The following KCNK3 variants were observed in gnomAD, a reference collection of about 807,000 sequenced individuals.
KCNK3 encodes potassium two pore domain channel subfamily K member 3.
Under a neutral mutation model 27.3 loss-of-function variants are expected in KCNK3, and 9 were observed. The ratio of observed to expected loss-of-function variants is 0.33; its 90% CI spans 0.20 to 0.57. The LOEUF (loss-of-function observed/expected upper bound fraction) is 0.57. KCNK3 is among the 20% of genes least tolerant of loss of function. KCNK3 has a pLI of 0.87. For synonymous variants in KCNK3, 278 were observed against 273.8 expected (o/e 1.02, Z -0.15); for missense variants, 391 against 577.7 (o/e 0.68, Z 3.31).
intron 1 of KCNK3, among the ~76,000 whole-genome samples, chr2:26,710,976 T>C (rs1201430072): frequency 1.3e-5 from 2 of 152,218 alleles, no homozygotes; most frequent in African/African-American, 4.8e-5. Flanking sequence ...CCCAGGTGCC[T>C]GTGCCAATTT....
At chr2:26,718,044 C>T (rs62129551) in intron 1 of KCNK3, among the ~76,000 whole-genome samples, 6,706 of 152,046 alleles carry the variant, frequency 0.044, 211 homozygotes, top group Non-Finnish European at 0.066. Flanking sequence ...CTCCTCCCCT[C>T]GCCCCTTCCT....
rs1663527840 is a variant in KCNK3 at position 26,730,936 on chromosome 2, G to A, written c.*2368G>A. 6.6e-6 allele frequency: 1 copy of A among 152,522 alleles called. No individual in the cohort carries two copies. The highest frequency in any genetic ancestry group is 1.5e-5 in the Non-Finnish European group (1 of 68,302). 9.4% of individuals were successfully genotyped at this position (152,522 alleles called of 1,614,324 possible). A position where few individuals can be genotyped will look rare whatever the true frequency, so the allele number is the denominator to read the frequency against. On this transcript the variant is annotated 3_prime_UTR_variant, in exon 2 of 2. Transcript: ENST00000302909. ...TTCAGTCTCTGCTGGGTCTTTCCTA[G>A]GGACCTGGAAGGCCAGTGTTGCTTC...
chr2:26,707,424 A>G (rs1167890438), intron 1 of KCNK3, among the ~76,000 whole-genome samples: 1 of 152,214 alleles, frequency 6.6e-6, no homozygotes, highest in Non-Finnish European at 1.5e-5. Flanking sequence ...CAGTCCTGCC[A>G]TCCAGGCCCT....
chr2:26,697,285 G>A (rs1196367517), intron 1 of KCNK3, among the ~76,000 whole-genome samples: 1 of 152,082 alleles, frequency 6.6e-6, no homozygotes, highest in African/African-American at 2.4e-5. Context: ...TAGACAGATC[G>A]CTTGAGGCCA....
intron 1 of KCNK3, among the ~76,000 whole-genome samples, chr2:26,696,854 A>G (rs532270608): frequency 3.3e-5 from 5 of 152,192 alleles, no homozygotes; most frequent in Admixed American, 3.3e-4. Context: ...GAGGGTAGCA[A>G]AAACCTAACC....
intron 1 of KCNK3, among the ~76,000 whole-genome samples, chr2:26,701,492 C>A (rs534341094): frequency 6.6e-6 from 1 of 152,290 alleles, no homozygotes; most frequent in South Asian, 2.1e-4. Flanking sequence ...CCCTGTCTGC[C>A]AGGAAGGCAC....
chr2:26,721,288 A>G lies in KCNK3; in HGVS notation c.284-6379A>G, dbSNP rs557421120. Among the ~76,000 whole-genome samples, 1 of 152,024 alleles carries G rather than the reference A, an allele frequency of 6.6e-6. No homozygotes were observed. The highest frequency in any genetic ancestry group is 1.5e-5 in the Non-Finnish European group (1 of 67,984). ...GAGGAGAGGCCTCTTCAGTGCCCAG[A>G]GAAGGTTCCCAGAAGGTTCTCGGGA... On this transcript the variant is annotated intron_variant, in intron 1 of 1. Transcript: ENST00000302909. The surrounding 1 kb of genome is among the most constrained non-coding windows in gnomAD (Gnocchi z 4.3).
Position 26,693,310 on chromosome 2 carries a change from G to C in KCNK3, c.283+152G>C, listed in dbSNP as rs557313160. ...CGCAGAAACCCGAGTTCAGCCTGGC[G>C]TGTGTGCTCCGCGGGGACGGAACTC... On this transcript the variant is annotated intron_variant, in intron 1 of 1. Transcript: ENST00000302909. The surrounding 1 kb of genome is among the most constrained non-coding windows in gnomAD (Gnocchi z 5.5). The C allele has an allele frequency of 7.8e-5, 61 of 779,580 alleles. No homozygotes were observed. In the East Asian group the frequency reaches 1.8e-3, roughly 23 times the overall value. The allele number at this position is 779,580 out of a possible 1,614,324, so 48.3% of individuals were successfully genotyped here. A position where few individuals can be genotyped will look rare whatever the true frequency, so the allele number is the denominator to read the frequency against.
At chr2:26,723,018 C>T (rs553003034) in intron 1 of KCNK3, among the ~76,000 whole-genome samples, 14 of 152,304 alleles carry the variant, frequency 9.2e-5, no homozygotes, top group Non-Finnish European at 1.8e-4. Flanking sequence ...CCTCCTAGCC[C>T]CATGCTCTTT....
chr2:26,726,343 G>T (rs1363296474), intron 1 of KCNK3, among the ~76,000 whole-genome samples: 1 of 152,168 alleles, frequency 6.6e-6, no homozygotes, highest in Non-Finnish European at 1.5e-5. Flanking sequence ...ACAGGGGGTG[G>T]TGGTAATATT....
At chr2:26,698,764 C>T (rs1042156132) in intron 1 of KCNK3, among the ~76,000 whole-genome samples, 8 of 152,124 alleles carry the variant, frequency 5.3e-5, no homozygotes, top group African/African-American at 1.9e-4. Flanking sequence ...CCTGGTGTTT[C>T]CCTAACTGTC....
chr2:26,730,714 T>A lies in KCNK3; in HGVS notation c.*2146T>A, dbSNP rs1731259. On this transcript the variant is annotated 3_prime_UTR_variant, in exon 2 of 2. Coordinates refer to ENST00000302909, the MANE Select transcript of KCNK3 (RefSeq NM_002246.3). ...GAGTCCCGTCTCAGTGTGGAGGAACTGGCTGCACGTGGGACCTGAAGGTGC... is the reference window on the plus strand; with the variant it reads ...GAGTCCCGTCTCAGTGTGGAGGAACAGGCTGCACGTGGGACCTGAAGGTGC... The A allele has an allele frequency of 7.3e-4, 111 of 152,442 alleles. 2 individuals carry two copies. The highest frequency in any genetic ancestry group is 3.4e-3 in the Middle Eastern group (1 of 296). The allele number at this position is 152,442 out of a possible 1,614,324, so 9.4% of individuals were successfully genotyped here.
chr2:26,712,472 T>C (rs1052296008), intron 1 of KCNK3, among the ~76,000 whole-genome samples: 1 of 152,148 alleles, frequency 6.6e-6, no homozygotes, highest in Non-Finnish European at 1.5e-5. Context: ...CAGTGGCTTC[T>C]TTAGATCCCT....
chr2:26,724,895 G>C (rs1663385665), intron 1 of KCNK3, among the ~76,000 whole-genome samples: 2 of 152,142 alleles, frequency 1.3e-5, no homozygotes, highest in African/African-American at 4.8e-5. Context: ...ACTGTGGAGA[G>C]GAGGGGCCGG....
rs1248050228 is a variant in KCNK3, at chr2:26,693,422, G to C, written c.283+264G>C. On this transcript the variant is annotated intron_variant, in intron 1 of 1. Coordinates refer to ENST00000302909, the MANE Select transcript of KCNK3 (RefSeq NM_002246.3). This position sits in a 1 kb window ranked among gnomAD's most constrained non-coding sequence, Gnocchi z 5.5. ...CCTGCCATGTTGCATAGGCCCCCAG[G>C]GACTCCGAAGTGTGTGAGAGGGGCA... Among the ~76,000 whole-genome samples, 1 of 152,196 alleles carries C rather than the reference G, an allele frequency of 6.6e-6. No individual in the cohort carries two copies. Among genetic ancestry groups the C allele is most frequent in the Non-Finnish European group, 1.5e-5 (1 of 68,020 alleles).
intron 1 of KCNK3, among the ~76,000 whole-genome samples, chr2:26,717,292 C>G (rs1011583984): frequency 1.3e-5 from 2 of 152,190 alleles, no homozygotes; most frequent in African/African-American, 2.4e-5. Flanking sequence ...CTCTGCTGCT[C>G]CTCAGACCCA....
intron 1 of KCNK3, among the ~76,000 whole-genome samples, chr2:26,709,330 G>A (rs538648720): frequency 1.8e-4 from 27 of 152,202 alleles, no homozygotes; most frequent in Admixed American, 5.2e-4. Context: ...TGGGAAGGGG[G>A]TAGAGCTGGC....
At chr2:26,715,804 C>G (rs1401067370) in intron 1 of KCNK3, among the ~76,000 whole-genome samples, 1 of 152,238 alleles carries the variant, frequency 6.6e-6, no homozygotes, top group Non-Finnish European at 1.5e-5. Flanking sequence ...GTCCCTCACC[C>G]TCTCCACAGC....
rs1037922730 is a variant in KCNK3 at position 26,721,393 on chromosome 2, C to T, written c.284-6274C>T. Among the ~76,000 whole-genome samples the T allele has an allele frequency of 6.6e-6, 1 of 152,180 alleles. No homozygotes were observed. The highest frequency in any genetic ancestry group is 2.4e-5 in the African/African-American group (1 of 41,432). The stretch of plus-strand genomic sequence containing the variant: ...TCCCGTCTCCACCAAGCTGCAGCCC[C>T]TCCCTCCTCTCCTCCCCCAAGACCT... On this transcript the variant is annotated intron_variant, in intron 1 of 1. Coordinates refer to ENST00000302909, the MANE Select transcript of KCNK3 (RefSeq NM_002246.3). This position sits in a 1 kb window ranked among gnomAD's most constrained non-coding sequence, Gnocchi z 4.3.
Sources: gnomAD v4.1 joint callset for allele counts (sites outside exome capture counted in the v4.1 genomes callset) on GRCh38, gnomAD v4.1.1 for gene constraint, Gnocchi (gnomAD v3.1) non-coding constraint, MANE v1.5 for transcripts, NCBI Gene and HGNC (gene_info 2026-07-23, HGNC 2026-07-21) for gene names.